Variants in NETO1 observed in about 807,000 individuals in gnomAD.
NETO1 encodes neuropilin and tolloid-like protein 1.
NETO1 carries 26 observed loss-of-function variants against 61.3 expected under a neutral mutation model. The ratio of observed to expected loss-of-function variants is 0.42; its 90% CI spans 0.31 to 0.59. The LOEUF is 0.59. Among genes scored for constraint, NETO1 ranks in the 20% least tolerant of loss-of-function variants. NETO1 has a pLI of 0.12. For missense variants in NETO1, 531 were observed against 662.8 expected (o/e 0.80, Z 2.18); for synonymous variants, 225 against 225.8 (o/e 1.00, Z 0.03).
chr18:72,855,543 C>T (rs1271688074), intron 4 of NETO1, among the ~76,000 whole-genome samples: 1 of 152,186 alleles, frequency 6.6e-6, no homozygotes, highest in African/African-American at 2.4e-5. Flanking sequence ...GCTCTGCCTC[C>T]GTATCCTCCA....
At chr18:72,774,063 A>C (rs2071465336) in intron 7 of NETO1, among the ~76,000 whole-genome samples, 1 of 152,138 alleles carries the variant, frequency 6.6e-6, no homozygotes, top group South Asian at 2.1e-4. Flanking sequence ...ATTCCATACG[A>C]CCATAATGTG....
intron 4 of NETO1, among the ~76,000 whole-genome samples, chr18:72,799,525 T>C (rs1475665898): frequency 1.3e-5 from 2 of 152,226 alleles, no homozygotes; most frequent in African/African-American, 4.8e-5. Flanking sequence ...GACGGCTTTC[T>C]TGTTTCCCTA....
chr18:72,865,252 A>G lies in NETO1; in HGVS notation c.29-11T>C. ...TTAAACTTGCTACAACTGAAACAGAAAAGAAAAATTAGAGATAAAATACAC... is the reference window on the plus strand; with the variant it reads ...TTAAACTTGCTACAACTGAAACAGAGAAGAAAAATTAGAGATAAAATACAC... On this transcript the variant is annotated splice_polypyrimidine_tract_variant and intron_variant, in intron 1 of 10. Coordinates refer to ENST00000327305, the MANE Select transcript of NETO1 (RefSeq NM_138966.5). 19 of 1,605,104 alleles carry G rather than the reference A, an allele frequency of 1.2e-5. No individual in the cohort carries two copies. Among genetic ancestry groups the G allele is most frequent in the Non-Finnish European group, 1.6e-5 (19 of 1,173,266 alleles).
Position 72,843,240 on chromosome 18 carries a change from T to A in NETO1, c.469+15586A>T, listed in dbSNP as rs1739594015. ...GTCATTAATATTGTTAACTTTACTG[T>A]GCTATGGCTTGCAATTGCAATTAGT... On this transcript the variant is annotated intron_variant, in intron 4 of 10. Transcript: ENST00000327305. Among the ~76,000 whole-genome samples, 3 of 152,192 alleles carry A rather than the reference T, an allele frequency of 2.0e-5. No homozygotes were observed. The South Asian group carries it at 6.2e-4, about 31-fold the overall frequency.
intron 4 of NETO1, among the ~76,000 whole-genome samples, chr18:72,804,102 T>C (rs1468416606): frequency 2.6e-5 from 4 of 152,082 alleles, no homozygotes; most frequent in Non-Finnish European, 5.9e-5. Context: ...GGTTTATTGG[T>C]ATAATTTGAA....
At chr18:72,834,009 C>G in intron 4 of NETO1, 1 of 604,478 alleles carries the variant, frequency 1.7e-6, no homozygotes, top group Non-Finnish European at 2.1e-6. Flanking sequence ...CATTTTAACA[C>G]CCAACCTACA....
intron 4 of NETO1, among the ~76,000 whole-genome samples, chr18:72,814,811 G>A (rs1475018239): frequency 6.6e-6 from 1 of 151,698 alleles, no homozygotes; most frequent in African/African-American, 2.4e-5. Flanking sequence ...AGAGATACAA[G>A]AATTTTAAAT....
chr18:72,816,326 C>G (rs530695652), intron 4 of NETO1, among the ~76,000 whole-genome samples: 2 of 152,184 alleles, frequency 1.3e-5, no homozygotes, highest in African/African-American at 2.4e-5. Context: ...TCCCAAAGCA[C>G]GCTGGAAAAT....
intron 7 of NETO1, among the ~76,000 whole-genome samples, chr18:72,773,095 C>T (rs1013833730): frequency 6.6e-6 from 1 of 151,814 alleles, no homozygotes; most frequent in South Asian, 2.1e-4. Context: ...TTGTGCTAGG[C>T]TTTCTGCTAT....
At chr18:72,832,829 A>G (rs2073624586) in intron 4 of NETO1, among the ~76,000 whole-genome samples, 1 of 152,238 alleles carries the variant, frequency 6.6e-6, no homozygotes, top group Non-Finnish European at 1.5e-5. Flanking sequence ...GAGCAGTGTA[A>G]TAAACATACA....
In NETO1 at chr18:72,854,215, G is replaced by T. The variant is rs557343336; in HGVS notation, c.469+4611C>A. Among the ~76,000 whole-genome samples the T allele has an allele frequency of 3.2e-4, 48 of 152,204 alleles. 1 individual carries two copies. The highest frequency in any genetic ancestry group is 6.8e-3 in the Middle Eastern group (2 of 294). ...ACACTTTGAGCTCCCCAGATGAAAG[G>T]TGCTATTTAAGTACAAAATATCGTA... On this transcript the variant is annotated intron_variant, in intron 4 of 10. Coordinates refer to ENST00000327305, the MANE Select transcript of NETO1 (RefSeq NM_138966.5).
In NETO1 at chr18:72,745,910, G is replaced by C. The variant is rs1452050809; in HGVS notation, c.*2269C>G. On this transcript the variant is annotated 3_prime_UTR_variant, in exon 11 of 11. Transcript: ENST00000327305. ...TTTAGAGTTATCACTGAGGAGGCCT[G>C]TTCTTCATTTAAAATACAGTTGTTT... The C allele has an allele frequency of 1.3e-5, 2 of 152,154 alleles. No individual in the cohort carries two copies. The highest frequency in any genetic ancestry group is 1.9e-4 in the East Asian group (1 of 5,192). The allele number at this position is 152,154 out of a possible 1,614,324, so 9.4% of individuals were successfully genotyped here.
chr18:72,820,368 G>C (rs190377452), intron 4 of NETO1, among the ~76,000 whole-genome samples: 1 of 152,188 alleles, frequency 6.6e-6, no homozygotes, highest in African/African-American at 2.4e-5. Context: ...CATTCAGACT[G>C]GAAAGCAAAA....
In NETO1 at chr18:72,746,777, T is replaced by C. The variant is rs897435873; in HGVS notation, c.*1402A>G. 6.6e-6 allele frequency among the ~76,000 whole-genome samples: 1 copy of C among 152,000 alleles called. No individual in the cohort carries two copies. The highest frequency in any genetic ancestry group is 1.5e-5 in the Non-Finnish European group (1 of 67,946). ...AAATGTTGGGAAGCATATATACTGATAGTAATTCTTATTTTAAAAATTTAT... is the reference window on the plus strand; with the variant it reads ...AAATGTTGGGAAGCATATATACTGACAGTAATTCTTATTTTAAAAATTTAT... On this transcript the variant is annotated 3_prime_UTR_variant, in exon 11 of 11. Coordinates refer to ENST00000327305, the MANE Select transcript of NETO1 (RefSeq NM_138966.5).
chr18:72,749,182 A>T (rs976331057), intron 9 of NETO1, 94 bp from the exon 10 acceptor site: 1 of 797,586 alleles, frequency 1.3e-6, no homozygotes, highest in African/African-American at 1.7e-5. Context: ...TAAAATTCAG[A>T]AAACTGTGGA....
chr18:72,834,826 T>C, intron 4 of NETO1: 1 of 984,432 alleles, frequency 1.0e-6, no homozygotes, highest in Non-Finnish European at 1.2e-6. Context: ...ATTCACAATA[T>C]TTTGGGGAGA....
chr18:72,867,239 C>A, intron 1 of NETO1, 25 bp downstream of exon 1: 1 of 1,530,518 alleles, frequency 6.5e-7, no homozygotes, highest in Non-Finnish European at 8.8e-7. Flanking sequence ...CGGGAGCGCA[C>A]GGGCGCGGCG....
chr18:72,768,208 G>T (rs990917447), intron 7 of NETO1, among the ~76,000 whole-genome samples: 4 of 151,966 alleles, frequency 2.6e-5, no homozygotes, highest in Non-Finnish European at 4.4e-5. Flanking sequence ...CTTGCCCAAA[G>T]TCATATTTAA....
At chr18:72,766,684 T>C (rs1276400630) in intron 7 of NETO1, among the ~76,000 whole-genome samples, 1 of 152,202 alleles carries the variant, frequency 6.6e-6, no homozygotes, top group East Asian at 1.9e-4. Context: ...ATTTATGAGA[T>C]TCCTCCCCAA....
Sources: gnomAD v4.1 joint callset for allele counts (sites outside exome capture counted in the v4.1 genomes callset) on GRCh38, gnomAD v4.1.1 for gene constraint, MANE v1.5 for transcripts, NCBI Gene and HGNC (gene_info 2026-07-23, HGNC 2026-07-21) for gene names.